The following PRKD2 variants were observed in gnomAD, a reference collection of about 807,000 sequenced individuals.
The protein encoded by PRKD2 is protein kinase D2, also known as serine/threonine-protein kinase D2.
Under a neutral mutation model 86.0 loss-of-function variants are expected in PRKD2, and 22 were observed. The ratio of observed to expected loss-of-function variants is 0.26; its 90% confidence interval spans 0.18 to 0.37. The LOEUF is 0.37. Ranked by LOEUF, PRKD2 falls within the 10% of genes least tolerant of loss-of-function variation. The pLI, the probability that PRKD2 is intolerant of heterozygous loss-of-function variation, is 1.00. For missense variants in PRKD2, 818 were observed against 1,199.2 expected, an observed-to-expected ratio of 0.68 and a Z score of 4.70; for synonymous variants, 509 against 510.9, an observed-to-expected ratio of 1.00 and a Z score of 0.05.
rs376207222 is a variant in PRKD2 at position 46,690,506 on chromosome 19, C to A, written c.1809+94G>T. 55 of 1,079,840 alleles carry A rather than the reference C, an allele frequency of 5.1e-5. 1 individual carries two copies. The East Asian group carries it at 1.1e-3, about 21-fold the overall frequency. The allele number at this position is 1,079,840 out of a possible 1,614,324, so 66.9% of individuals were successfully genotyped here. On this transcript the variant is annotated intron_variant, in intron 13 of 17. Coordinates refer to ENST00000291281, the MANE Select transcript of PRKD2 (RefSeq NM_016457.5). The stretch of plus-strand genomic sequence containing the variant: ...CCCCTTCAGTCTCAACATGCACATG[C>A]CCTCCCCCAGGAAGCCTTCCCTGAC...
At position 46,711,782 on chromosome 19, in the gene PRKD2, G is replaced by T. The variant is rs573668360; in HGVS notation, c.380-744C>A. 2.0e-4 allele frequency among the ~76,000 whole-genome samples: 30 copies of T among 152,192 alleles called. No individual in the cohort carries two copies. In the East Asian group the frequency reaches 5.2e-3, roughly 26 times the overall value. The stretch of plus-strand genomic sequence containing the variant: ...ACCACCAACAACAAAAAAGAACATG[G>T]ATAGGCGGTGCCCGGTGGCTCACAT... On this transcript the variant is annotated intron_variant, in intron 2 of 17. Coordinates refer to ENST00000291281, the MANE Select transcript of PRKD2 (RefSeq NM_016457.5).
chr19:46,684,233 T>C (rs1426301819), intron 14 of PRKD2, among the ~76,000 whole-genome samples: 1 of 152,008 alleles, frequency 6.6e-6, no homozygotes, highest in African/African-American at 2.4e-5. Context: ...AACCTTGAGA[T>C]AATAGGCACG....
chr19:46,716,221 C>A lies in PRKD2; in HGVS notation c.150G>T (p.Gln50His). 6.2e-7 allele frequency: 1 copy of A among 1,609,870 alleles called. No individual in the cohort carries two copies. The highest frequency in any genetic ancestry group is 8.5e-7 in the Non-Finnish European group (1 of 1,178,730). The change falls in exon 1 of 18, where the codon CAG (glutamine) becomes CAT (histidine). Residue 50 changes from glutamine (Q) to histidine (H), a missense_variant. Gln to His is a conservative substitution (Grantham distance 24). Coordinates refer to ENST00000291281, the MANE Select transcript of PRKD2 (RefSeq NM_016457.5). This position sits in a 1 kb window ranked among gnomAD's most constrained non-coding sequence, Gnocchi z 7.9. ...APGSGVSFHI[Q>H]IGLTREFVLL... Reference sequence around the variant, plus strand: ...GCACGAACTCGCGGGTCAGCCCGATCTGGATGTGAAAGGAGACCCCGGAAC... The same window carrying A: ...GCACGAACTCGCGGGTCAGCCCGATATGGATGTGAAAGGAGACCCCGGAAC...
chr19:46,701,319 A>G (rs951902068), intron 5 of PRKD2, among the ~76,000 whole-genome samples: 1 of 151,598 alleles, frequency 6.6e-6, no homozygotes, highest in African/African-American at 2.4e-5. Context: ...TAGGAGGGCT[A>G]GACTCAAAAT....
Position 46,708,308 on chromosome 19 carries a change from CTTTTTTTTTTTT to C in PRKD2, c.511+2587_511+2598del, listed in dbSNP as rs61231695. The stretch of plus-strand genomic sequence containing the variant: ...GCTGTAATCCAATGGGACTGGTGAC[CTTTTTTTTTTTT>C]TTTTTTTTTTTTTTTCTGAGACAAT... On this transcript the variant is annotated intron_variant, in intron 3 of 17. Transcript: ENST00000291281. Among the ~76,000 whole-genome samples, 46 of 82,192 alleles carry C rather than the reference CTTTTTTTTTTTT, an allele frequency of 5.6e-4. 1 individual carries two copies. The highest frequency in any genetic ancestry group is 2.5e-3 in the Admixed American group (18 of 7,100). The allele number at this position is 82,192 out of a possible 152,430, so 53.9% of individuals were successfully genotyped here.
At chr19:46,682,131 C>T (rs1289806578) in intron 14 of PRKD2, among the ~76,000 whole-genome samples, 4 of 152,088 alleles carry the variant, frequency 2.6e-5, no homozygotes, top group Admixed American at 2.0e-4. Context: ...CTCAGCCTCC[C>T]GAGTAGCTGG....
At chr19:46,702,419 G>C (rs1249259597) in intron 5 of PRKD2, among the ~76,000 whole-genome samples, 1 of 152,048 alleles carries the variant, frequency 6.6e-6, no homozygotes. Context: ...ACACTTCTAA[G>C]ACTCTTTAAT....
intron 14 of PRKD2, among the ~76,000 whole-genome samples, chr19:46,687,143 T>C (rs1427326147): frequency 6.6e-6 from 1 of 151,410 alleles, no homozygotes; most frequent in African/African-American, 2.4e-5. Context: ...TCCCAGAACT[T>C]TGCGAGGCTG....
At position 46,692,683 on chromosome 19, in the gene PRKD2, T is replaced by C. The variant is rs533546636; in HGVS notation, c.1577-698A>G. 5.9e-5 allele frequency among the ~76,000 whole-genome samples: 9 copies of C among 152,250 alleles called. No homozygotes were observed. The East Asian group carries it at 1.5e-3, about 26-fold the overall frequency. The stretch of plus-strand genomic sequence containing the variant: ...AGCCCCTTAAATGGCCTAAAAGCCA[T>C]GGCCTAGACCCTCATCTACCTCTGA... On this transcript the variant is annotated intron_variant, in intron 10 of 17. Coordinates refer to ENST00000291281, the MANE Select transcript of PRKD2 (RefSeq NM_016457.5).
intron 15 of PRKD2, among the ~76,000 whole-genome samples, chr19:46,680,946 A>ATATATATATATATATATATATATTTT: frequency 3.7e-4 from 18 of 48,220 alleles, no homozygotes; most frequent in Admixed American, 1.2e-3. Context: ...ATATATATAT[A>ATATATATATATATATATATATATTTT]TTTTTTTTTT....
intron 14 of PRKD2, among the ~76,000 whole-genome samples, chr19:46,683,875 T>G (rs1259823023): frequency 1.3e-5 from 2 of 152,204 alleles, no homozygotes; most frequent in Admixed American, 1.3e-4. Context: ...GTAAATATAT[T>G]TGTTTGTGTC....
chr19:46,686,815 G>A (rs2053405493), intron 14 of PRKD2, among the ~76,000 whole-genome samples: 1 of 151,940 alleles, frequency 6.6e-6, no homozygotes, highest in Non-Finnish European at 1.5e-5. Context: ...GCCGGGCGTG[G>A]TGGTGGGCAC....
At chr19:46,700,175 G>A (rs1310371340) in intron 7 of PRKD2, among the ~76,000 whole-genome samples, 2 of 152,234 alleles carry the variant, frequency 1.3e-5, no homozygotes, top group Admixed American at 6.5e-5. Flanking sequence ...GACAGAGGTT[G>A]CAATGAACTG....
chr19:46,697,400 C>G lies in PRKD2; in HGVS notation c.1240-166G>C. ...ACCCCACCACACGCCCTAACCCCAG[C>G]CCCGCCCCTAGCCTTAACCCTAGCC... On this transcript the variant is annotated intron_variant, in intron 8 of 17. Transcript: ENST00000291281. 3 of 601,106 alleles carry G rather than the reference C, an allele frequency of 5.0e-6. 1 individual carries two copies. The highest frequency in any genetic ancestry group is 4.4e-4 in the Middle Eastern group (1 of 2,260). The allele number at this position is 601,106 out of a possible 1,614,324, so 37.2% of individuals were successfully genotyped here.
chr19:46,705,253 C>A lies in PRKD2; in HGVS notation c.512-604G>T, dbSNP rs546773440. Among the ~76,000 whole-genome samples, 9 of 152,234 alleles carry A rather than the reference C, an allele frequency of 5.9e-5. No homozygotes were observed. The East Asian group carries it at 1.4e-3, about 23-fold the overall frequency. Reference sequence around the variant, plus strand: ...TGGTAAGCACCTCCTTCTAGTCCTCCCCAAAACTCCTGTCCATCTCCCTAG... The same window carrying A: ...TGGTAAGCACCTCCTTCTAGTCCTCACCAAAACTCCTGTCCATCTCCCTAG... On this transcript the variant is annotated intron_variant, in intron 3 of 17. Coordinates refer to ENST00000291281, the MANE Select transcript of PRKD2 (RefSeq NM_016457.5).
chr19:46,674,959 C>G, intron 17 of PRKD2, 74 bp downstream of exon 17: 2 of 1,413,888 alleles, frequency 1.4e-6, no homozygotes, highest in Non-Finnish European at 2.0e-6. Flanking sequence ...TCACAACCTG[C>G]CTAGCCAATA....
chr19:46,691,873 CGA>C (rs1162469861), intron 11 of PRKD2, 58 bp downstream of exon 11: 2 of 1,610,618 alleles, frequency 1.2e-6, no homozygotes, highest in African/African-American at 1.3e-5. Flanking sequence ...GTCAAGGAGA[CGA>C]GAGAGCTGAG....
chr19:46,701,524 T>G (rs985920635), intron 5 of PRKD2, among the ~76,000 whole-genome samples: 3 of 151,684 alleles, frequency 2.0e-5, no homozygotes, highest in African/African-American at 7.3e-5. Context: ...CTGATTTTTT[T>G]GTGTTTTTAG....
At chr19:46,713,719 G>T in intron 2 of PRKD2, 144 bp downstream of exon 2, 1 of 762,654 alleles carries the variant, frequency 1.3e-6, no homozygotes, top group Non-Finnish European at 2.0e-6. Flanking sequence ...CCCAGCTCCA[G>T]CTCAGCCTCC....
Sources: gnomAD v4.1 joint callset for allele counts (sites outside exome capture counted in the v4.1 genomes callset) on GRCh38, gnomAD v4.1.1 for gene constraint, Gnocchi (gnomAD v3.1) non-coding constraint, MANE v1.5 for transcripts, NCBI Gene and HGNC (gene_info 2026-07-23, HGNC 2026-07-21) for gene names.